KDM4C: variants seen among roughly 807,000 people sequenced by gnomAD.
KDM4C encodes lysine-specific demethylase 4C.
A neutral mutation model predicts 129.3 loss-of-function variants in KDM4C; 81 were observed. The observed-to-expected ratio is 0.63, with a 90% CI of 0.52 to 0.75. The LOEUF (loss-of-function observed/expected upper bound fraction) is 0.75, where lower values mean the gene tolerates loss of function less well. Among genes scored for constraint, KDM4C ranks in the 30% least tolerant of loss-of-function variants. The pLI, the probability that KDM4C is intolerant of heterozygous loss-of-function variation, is 0.00. For missense variants in KDM4C, 1,457 were observed against 1,304.0 expected (o/e 1.12, Z -1.81); for synonymous variants, 573 against 456.1 (o/e 1.26, Z -3.26).
chr9:6,735,465 A>G (rs1198478708), intron 1 of KDM4C, among the ~76,000 whole-genome samples: 1 of 152,164 alleles, frequency 6.6e-6, no homozygotes, highest in East Asian at 1.9e-4. Flanking sequence ...CCCACATATC[A>G]TGGGAGGAAC....
intron 4 of KDM4C, among the ~76,000 whole-genome samples, chr9:6,847,636 C>T (rs111517810): frequency 0.075 from 11,402 of 152,188 alleles, 610 homozygotes; most frequent in Non-Finnish European, 0.11. Context: ...ATGATCCACC[C>T]GCCTCGGCCT....
At chr9:6,955,906 A>G (rs1276892523) in intron 8 of KDM4C, among the ~76,000 whole-genome samples, 2 of 152,268 alleles carry the variant, frequency 1.3e-5, no homozygotes, top group Non-Finnish European at 2.9e-5. Context: ...AAAGAGCACA[A>G]TACAACCAGT....
intron 8 of KDM4C, among the ~76,000 whole-genome samples, chr9:6,956,543 CT>C (rs1472161058): frequency 2.0e-5 from 3 of 152,198 alleles, no homozygotes; most frequent in Non-Finnish European, 4.4e-5. Context: ...CTATACCCCC[CT>C]GCCTGTATTT....
At chr9:6,806,269 C>T (rs977378514) in intron 3 of KDM4C, among the ~76,000 whole-genome samples, 1 of 152,020 alleles carries the variant, frequency 6.6e-6, no homozygotes, top group Non-Finnish European at 1.5e-5. Flanking sequence ...CCAACGTGGG[C>T]GGATCACCTG....
intron 12 of KDM4C, among the ~76,000 whole-genome samples, chr9:7,008,268 A>G (rs1024258776): frequency 6.6e-6 from 1 of 152,222 alleles, no homozygotes; most frequent in East Asian, 1.9e-4. Context: ...CCTGGCTGGT[A>G]CCTGCAGACT....
At chr9:7,156,859 C>A (rs572582279) in intron 19 of KDM4C, among the ~76,000 whole-genome samples, 10 of 152,252 alleles carry the variant, frequency 6.6e-5, no homozygotes, top group Admixed American at 4.6e-4. Flanking sequence ...TCCATATGAA[C>A]TTTAAAGTAG....
chr9:6,723,712 C>T (rs1159935432), intron 1 of KDM4C: 1 of 151,956 alleles, frequency 6.6e-6, no homozygotes, highest in Non-Finnish European at 1.5e-5. Flanking sequence ...GAACTGATGC[C>T]TCTAACGAAG....
At chr9:6,943,813 C>G (rs2131421758) in intron 8 of KDM4C, among the ~76,000 whole-genome samples, 1 of 152,262 alleles carries the variant, frequency 6.6e-6, no homozygotes, top group East Asian at 1.9e-4. Flanking sequence ...AAATGTTTGT[C>G]AAGAATGCAG....
chr9:6,914,208 C>A (rs112398969), intron 8 of KDM4C, among the ~76,000 whole-genome samples: 2 of 152,068 alleles, frequency 1.3e-5, no homozygotes, highest in Non-Finnish European at 2.9e-5. Context: ...TACAGCCATG[C>A]GCCACCATGT....
At chr9:7,084,904 C>CAAAT (rs1564096444) in intron 17 of KDM4C, among the ~76,000 whole-genome samples, 1 of 152,132 alleles carries the variant, frequency 6.6e-6, no homozygotes, top group Non-Finnish European at 1.5e-5. Context: ...ATACGTTAAA[C>CAAAT]AAATGATTAG....
intron 8 of KDM4C, among the ~76,000 whole-genome samples, chr9:6,924,524 C>A (rs1822123889): frequency 2.6e-5 from 4 of 152,136 alleles, no homozygotes; most frequent in Admixed American, 2.6e-4. Flanking sequence ...CTTCTCTAGT[C>A]CTTTTAGGAC....
intron 4 of KDM4C, among the ~76,000 whole-genome samples, chr9:6,817,830 T>A (rs2131181457): frequency 6.9e-6 from 1 of 145,652 alleles, no homozygotes; most frequent in East Asian, 2.1e-4. Context: ...GCAGTGGCGC[T>A]ATCTTGGCTC....
At chr9:7,065,946 C>A (rs1425247525) in intron 17 of KDM4C, among the ~76,000 whole-genome samples, 2 of 149,866 alleles carry the variant, frequency 1.3e-5, no homozygotes, top group East Asian at 3.9e-4. Context: ...TGTCACAGTT[C>A]TATATTTGAC....
rs1234948234 is a variant in KDM4C at position 7,012,027 on chromosome 9, A to G, written c.1968+148A>G. ...AGCTGATGGCTTTCATAGAACCACAAACAGTTTCTACATGATCCTTGAGAG... is the reference window on the plus strand; with the variant it reads ...AGCTGATGGCTTTCATAGAACCACAGACAGTTTCTACATGATCCTTGAGAG... On this transcript the variant is annotated intron_variant, in intron 13 of 21. Coordinates refer to ENST00000381309, the MANE Select transcript of KDM4C (RefSeq NM_015061.6). 3 of 629,642 alleles carry G rather than the reference A, an allele frequency of 4.8e-6. No homozygotes were observed. The South Asian group carries it at 6.1e-5, about 13-fold the overall frequency. The allele number at this position is 629,642 out of a possible 1,614,324, so 39.0% of individuals were successfully genotyped here.
At chr9:7,023,606 C>T (rs1229599634) in intron 15 of KDM4C, among the ~76,000 whole-genome samples, 2 of 151,576 alleles carry the variant, frequency 1.3e-5, no homozygotes, top group Non-Finnish European at 2.9e-5. Context: ...TTTTATTGAT[C>T]TGTTGTGTTC....
chr9:7,151,368 G>C (rs1035160572), intron 19 of KDM4C, among the ~76,000 whole-genome samples: 12 of 151,902 alleles, frequency 7.9e-5, no homozygotes, highest in African/African-American at 2.7e-4. Context: ...CAGCATCTTG[G>C]AGTTCAGAAA....
intron 21 of KDM4C, among the ~76,000 whole-genome samples, chr9:7,172,526 T>C (rs183459919): frequency 8.5e-5 from 13 of 152,342 alleles, no homozygotes; most frequent in Non-Finnish European, 1.6e-4. Context: ...GAGGAAGTAT[T>C]TTGCCAAGAA....
intron 8 of KDM4C, among the ~76,000 whole-genome samples, chr9:6,919,540 TG>T (rs1314017914): frequency 2.7e-5 from 2 of 73,316 alleles, no homozygotes; most frequent in African/African-American, 4.1e-5. Context: ...TCTGTCTGTC[TG>T]TCTGTCTATC....
chr9:7,044,924 A>G (rs1398015898), intron 15 of KDM4C, among the ~76,000 whole-genome samples: 1 of 152,008 alleles, frequency 6.6e-6, no homozygotes. Flanking sequence ...TCTAAGGGTC[A>G]TGGAAACCAC....
Sources: gnomAD v4.1 joint callset for allele counts (sites outside exome capture counted in the v4.1 genomes callset) on GRCh38, gnomAD v4.1.1 for gene constraint, MANE v1.5 for transcripts, NCBI Gene and HGNC (gene_info 2026-07-23, HGNC 2026-07-21) for gene names.